The following ALDH3A1 variants were observed in gnomAD, a reference collection of about 807,000 sequenced individuals.
ALDH3A1 encodes aldehyde dehydrogenase 3 family member A1, also known as aldehyde dehydrogenase, dimeric NADP-preferring.
In ALDH3A1, 46 loss-of-function variants were observed where a neutral mutation model predicts 49.9. The ratio of observed to expected loss-of-function variants is 0.92; its 90% CI spans 0.73 to 1.18. ALDH3A1 has a LOEUF of 1.18. ALDH3A1 is among the 50% of genes most tolerant of loss of function. The pLI, the probability that ALDH3A1 is intolerant of heterozygous loss-of-function variation, is 0.00. For missense variants in ALDH3A1, 592 were observed against 611.8 expected (o/e 0.97, Z 0.34); for synonymous variants, 269 against 253.3 (o/e 1.06, Z -0.59).
At chr17:19,739,169 G>A in intron 8 of ALDH3A1, 74 bp from the exon 9 acceptor site, 1 of 1,358,552 alleles carries the variant, frequency 7.4e-7, no homozygotes. Context: ...GACCCTGCCT[G>A]GGTATAGCCT....
At chr17:19,740,991 A>C (rs569474470) in intron 6 of ALDH3A1, 102 bp downstream of exon 6, 7 of 883,462 alleles carry the variant, frequency 7.9e-6, no homozygotes, top group Admixed American at 2.0e-5. Flanking sequence ...TTAGAAGAAA[A>C]TAAATCCAGT....
At chr17:19,744,934 A>T in intron 2 of ALDH3A1, 34 bp downstream of exon 2, 1 of 460,464 alleles carries the variant, frequency 2.2e-6, no homozygotes, top group Non-Finnish European at 3.1e-6. Flanking sequence ...CATGGCCCCG[A>T]CACTGGCAGA....
In ALDH3A1 at chr17:19,743,042, C is replaced by A; in HGVS notation, c.394+190G>T. 6.5e-7 allele frequency: 1 copy of A among 1,532,884 alleles called. No individual in the cohort carries two copies. The highest frequency in any genetic ancestry group is 2.5e-5 in the East Asian group (1 of 40,796). The allele number at this position is 1,532,884 out of a possible 1,614,324, so 95.0% of individuals were successfully genotyped here. A position where few individuals can be genotyped will look rare whatever the true frequency, so the allele number is the denominator to read the frequency against. ...CTCTCTGTATCACCAGGTGTGGACA[C>A]CTGAGCCTGACTGGACCTCAGGCAC... On this transcript the variant is annotated intron_variant, in intron 3 of 10. Coordinates refer to ENST00000225740, the MANE Select transcript of ALDH3A1 (RefSeq NM_000691.5). This position sits in a 1 kb window ranked among gnomAD's most constrained non-coding sequence, Gnocchi z 4.4.
rs536804477 is a variant in ALDH3A1 at position 19,743,244 on chromosome 17, C to A, written c.382G>T (p.Ala128Ser). The A allele has an allele frequency of 5.7e-5, 92 of 1,613,478 alleles. No homozygotes were observed. The highest frequency in any genetic ancestry group is 7.7e-5 in the Non-Finnish European group (91 of 1,179,844). The change falls in exon 3 of 11, where the codon GCC (alanine) becomes TCC (serine). Residue 128 changes from alanine (A) to serine (S), a missense_variant. By Grantham distance (99) the Ala-to-Ser change is moderately conservative (BLOSUM62 1). Coordinates refer to ENST00000225740, the MANE Select transcript of ALDH3A1 (RefSeq NM_000691.5). This position sits in a 1 kb window ranked among gnomAD's most constrained non-coding sequence, Gnocchi z 4.4. ...CAGGGCCATGCACCTGCAGCGATGG[C>A]GCCCACCATGGGCTGGATGGTGAGG... is the stretch of plus-strand genomic sequence containing the variant. The part of the protein sequence containing the change: ...FNLTIQPMVG[A>S]IAAGNSVVLK...
In ALDH3A1 at chr17:19,748,278, G is replaced by A. The variant is rs138998524; in HGVS notation, c.-25C>T. 4.4e-4 allele frequency: 228 copies of A among 512,536 alleles called. 2 individuals carry two copies. The highest frequency in any genetic ancestry group is 3.6e-3 in the African/African-American group (187 of 51,934). The allele number at this position is 512,536 out of a possible 1,614,324, so 31.7% of individuals were successfully genotyped here. ...GATTACCTTTGACACAGCCTCTCCCGGTAACTGGGGCTCCTGGAACGGCAA... is the reference window on the plus strand; with the variant it reads ...GATTACCTTTGACACAGCCTCTCCCAGTAACTGGGGCTCCTGGAACGGCAA... On this transcript the variant is annotated 5_prime_UTR_variant, in exon 1 of 11. Transcript: ENST00000225740. This position sits in a 1 kb window ranked among gnomAD's most constrained non-coding sequence, Gnocchi z 4.4.
In ALDH3A1 at chr17:19,743,580, G is replaced by A. The variant is rs2086543564; in HGVS notation, c.163-117C>T. ...ATGGGGGTCACTCACCCAGCCCAGG[G>A]TGGGGGCAGCCGCAGAAGGCTCCCA... On this transcript the variant is annotated intron_variant, in intron 2 of 10. Transcript: ENST00000225740. The surrounding 1 kb of genome is among the most constrained non-coding windows in gnomAD (Gnocchi z 4.4). 6.8e-7 allele frequency: 1 copy of A among 1,476,370 alleles called. No homozygotes were observed. Among genetic ancestry groups the A allele is most frequent in the Non-Finnish European group, 8.9e-7 (1 of 1,119,150 alleles). 91.5% of individuals were successfully genotyped at this position (1,476,370 alleles called of 1,614,324 possible).
chr17:19,743,236 A>C lies in ALDH3A1; in HGVS notation c.390T>G (p.Ala130=). 6.2e-7 allele frequency: 1 copy of C among 1,613,586 alleles called. No homozygotes were observed. ...CCTTCCCACAGGGCCATGCACCTGC[A>C]GCGATGGCGCCCACCATGGGCTGGA... ...LTIQPMVGAI[A]AGNSVVLKPS... The change falls in exon 3 of 11, where the codon GCT becomes GCG. Residue 130 remains alanine (A), a synonymous_variant. Coordinates refer to ENST00000225740, the MANE Select transcript of ALDH3A1 (RefSeq NM_000691.5). This position sits in a 1 kb window ranked among gnomAD's most constrained non-coding sequence, Gnocchi z 4.4.
chr17:19,744,619 A>C (rs1441842238), intron 2 of ALDH3A1: 2 of 985,234 alleles, frequency 2.0e-6, no homozygotes, highest in African/African-American at 1.7e-5. Flanking sequence ...CCGGGGTGCC[A>C]AGCTGCTCTG....
Position 19,745,345 on chromosome 17 carries a change from A to G in ALDH3A1, c.-5-211T>C. The G allele has an allele frequency of 5.7e-6, 3 of 521,868 alleles. No homozygotes were observed. In the South Asian group the frequency reaches 9.1e-5, roughly 16 times the overall value. 32.3% of individuals were successfully genotyped at this position (521,868 alleles called of 1,614,324 possible). On this transcript the variant is annotated intron_variant, in intron 1 of 10. Coordinates refer to ENST00000225740, the MANE Select transcript of ALDH3A1 (RefSeq NM_000691.5). ...TGCCTTGCTAGCCCCTGAGAAGGTG[A>G]CACCCGCCGCAACCCGAGTCCTAAG...
chr17:19,741,223 C>G lies in ALDH3A1; in HGVS notation c.690-13G>C, dbSNP rs1256912152. 3.7e-6 allele frequency: 6 copies of G among 1,610,270 alleles called. No individual in the cohort carries two copies. The highest frequency in any genetic ancestry group is 4.2e-6 in the Non-Finnish European group (5 of 1,177,056). Reference sequence around the variant, plus strand: ...CCAGGCGATGCGTCTGTGAGAATCCCAGACTGGACTAAATCCAAAAGGTTC... The same window carrying G: ...CCAGGCGATGCGTCTGTGAGAATCCGAGACTGGACTAAATCCAAAAGGTTC... On this transcript the variant is annotated splice_polypyrimidine_tract_variant and intron_variant, in intron 5 of 10. Transcript: ENST00000225740.
chr17:19,744,750 G>A, intron 2 of ALDH3A1: 1 of 1,361,494 alleles, frequency 7.3e-7, no homozygotes, highest in Non-Finnish European at 9.4e-7. Flanking sequence ...GGACGCGGAG[G>A]CCGGGCCAGG....
chr17:19,744,401 T>C, intron 2 of ALDH3A1: 1 of 978,348 alleles, frequency 1.0e-6, no homozygotes, highest in Non-Finnish European at 1.2e-6. Flanking sequence ...AGACTCTGTC[T>C]CAAATAAATA....
chr17:19,745,682 G>C (rs577984180), intron 1 of ALDH3A1: 1 of 152,324 alleles, frequency 6.6e-6, no homozygotes, highest in South Asian at 2.1e-4. Flanking sequence ...GGAGACGCAC[G>C]CCCATGCCCG....
intron 2 of ALDH3A1, chr17:19,744,110 G>A: frequency 1.0e-6 from 1 of 985,366 alleles, no homozygotes; most frequent in Non-Finnish European, 1.2e-6. Flanking sequence ...GAAAAGTGCA[G>A]TAGCAGGCCC....
chr17:19,744,916 C>CCCCCA, intron 2 of ALDH3A1, 52 bp downstream of exon 2: 1 of 1,345,106 alleles, frequency 7.4e-7, no homozygotes, highest in Non-Finnish European at 9.7e-7. Context: ...TCCCCCCACG[C>CCCCCA]CCCATCGCAT....
At chr17:19,741,444 C>A (rs942858434) in intron 5 of ALDH3A1, 7 of 477,944 alleles carry the variant, frequency 1.5e-5, no homozygotes, top group African/African-American at 1.4e-4. Context: ...TTGAGGGCAA[C>A]CTCCGTGCTC....
chr17:19,744,895 T>TGCCCCCCC lies in ALDH3A1; in HGVS notation c.162+72_162+73insGGGGGGGC, dbSNP rs2152375915. Reference sequence around the variant, plus strand: ...TCCTGAACCTCTCTGGGTCGCACTCTCCCCAGCCCCTCCCCCCACGCCCCA... The same window carrying TGCCCCCCC: ...TCCTGAACCTCTCTGGGTCGCACTCTGCCCCCCCCCCCAGCCCCTCCCCCCACGCCCCA... On this transcript the variant is annotated intron_variant, in intron 2 of 10. Transcript: ENST00000225740. The TGCCCCCCC allele has an allele frequency of 3.7e-4, 343 of 924,034 alleles. 1 individual carries two copies. The highest frequency in any genetic ancestry group is 5.4e-4 in the East Asian group (8 of 14,848). The allele number at this position is 924,034 out of a possible 1,614,324, so 57.2% of individuals were successfully genotyped here. A position where few individuals can be genotyped will look rare whatever the true frequency, so the allele number is the denominator to read the frequency against.
At chr17:19,739,748 C>T (rs1026527486) in intron 7 of ALDH3A1, 74 bp from the exon 8 acceptor site, 2 of 1,533,176 alleles carry the variant, frequency 1.3e-6, no homozygotes, top group African/African-American at 2.7e-5. Flanking sequence ...GCACCTAGAC[C>T]CCTGCTCCAA....
rs1363153255 is a variant in ALDH3A1, at chr17:19,739,020, G to A, written c.1192C>T (p.His398Tyr). 3 of 1,613,716 alleles carry A rather than the reference G, an allele frequency of 1.9e-6. No homozygotes were observed. Among genetic ancestry groups the A allele is most frequent in the Middle Eastern group, 1.6e-4 (1 of 6,084 alleles). The change falls in exon 9 of 11, where the codon CAC (histidine) becomes TAC (tyrosine). Residue 398 changes from histidine to tyrosine, a missense_variant. Physicochemically the swap from His to Tyr is moderately conservative, Grantham distance 83. Transcript: ENST00000225740. Reference sequence around the variant, plus strand: ...CCCACGCCCCCGAAGGGCAGAGAGTGCAAGGTGATGTGGACGATGACATCG... The same window carrying A: ...CCCACGCCCCCGAAGGGCAGAGAGTACAAGGTGATGTGGACGATGACATCG... ...ANDVIVHITLHSLPFGGVGNS... is the reference protein window; with the variant it reads ...ANDVIVHITLYSLPFGGVGNS...
Sources: allele counts gnomAD v4.1 joint callset, GRCh38; gene constraint gnomAD v4.1.1; non-coding constraint Gnocchi (gnomAD v3.1); transcripts MANE v1.5; gene names NCBI Gene and HGNC (gene_info 2026-07-23, HGNC 2026-07-21).